EDARADD: variants seen among roughly 807,000 people sequenced by gnomAD.
EDARADD encodes ectodysplasin-A receptor-associated adapter protein.
Under a neutral mutation model 25.6 loss-of-function variants are expected in EDARADD, and 20 were observed. That is an observed-to-expected ratio of 0.78 (90% confidence interval 0.55 to 1.14). The LOEUF is 1.14. Ranked by LOEUF, EDARADD falls within the 50% of genes most tolerant of loss-of-function variation. The probability of loss-of-function intolerance (pLI) is 0.00; values close to 1 mark genes in which losing one functional copy is unlikely to be tolerated. For synonymous variants in EDARADD, 86 were observed against 94.4 expected (o/e 0.91, Z 0.52); for missense variants, 225 against 270.1 (o/e 0.83, Z 1.17).
chr1:236,434,355 G>A (rs1233709307), intron 4 of EDARADD, among the ~76,000 whole-genome samples: 1 of 151,554 alleles, frequency 6.6e-6, no homozygotes, highest in Non-Finnish European at 1.5e-5. Flanking sequence ...TTCCTGGCTC[G>A]GCCTCCCTGG....
intron 3 of EDARADD, among the ~76,000 whole-genome samples, chr1:236,385,268 G>A (rs1667338602): frequency 6.6e-6 from 1 of 151,668 alleles, no homozygotes. Context: ...AATTAGCCAG[G>A]CGTGGTGGTG....
intron 3 of EDARADD, among the ~76,000 whole-genome samples, chr1:236,370,557 G>A (rs1265103084): frequency 6.6e-6 from 1 of 152,174 alleles, no homozygotes; most frequent in East Asian, 1.9e-4. Flanking sequence ...GGATGACTTG[G>A]TGGGTAGGGG....
At chr1:236,471,193 A>T (rs1032012949) in intron 5 of EDARADD, among the ~76,000 whole-genome samples, 3 of 152,162 alleles carry the variant, frequency 2.0e-5, no homozygotes, top group Non-Finnish European at 4.4e-5. Flanking sequence ...GCTGCTGCCA[A>T]CTTAATGTCT....
At chr1:236,403,439 C>A (rs547912617) in intron 1 of EDARADD, among the ~76,000 whole-genome samples, 1 of 152,150 alleles carries the variant, frequency 6.6e-6, no homozygotes, top group African/African-American at 2.4e-5. Context: ...AGGTGCCCGC[C>A]ACCATGCCCG....
chr1:236,381,971 A>G (rs2102996256), intron 3 of EDARADD, among the ~76,000 whole-genome samples: 1 of 151,334 alleles, frequency 6.6e-6, no homozygotes, highest in East Asian at 1.9e-4. Flanking sequence ...TATCTTATCC[A>G]TGGCTTTGAG....
chr1:236,360,395 G>A (rs1667031720), intron 3 of EDARADD, among the ~76,000 whole-genome samples: 2 of 152,024 alleles, frequency 1.3e-5, no homozygotes, highest in Non-Finnish European at 2.9e-5. Flanking sequence ...GTAGCCTTAT[G>A]ACATCCATCC....
intron 5 of EDARADD, among the ~76,000 whole-genome samples, chr1:236,471,008 G>A (rs934818672): frequency 6.6e-6 from 1 of 152,210 alleles, no homozygotes; most frequent in East Asian, 1.9e-4. Context: ...CTCCCAAAGT[G>A]CTGGCATTAC....
At chr1:236,476,088 A>G (rs1659494956) in intron 5 of EDARADD, among the ~76,000 whole-genome samples, 1 of 152,154 alleles carries the variant, frequency 6.6e-6, no homozygotes, top group East Asian at 1.9e-4. Context: ...GCAACTCAGG[A>G]GGCTGAAGCA....
rs1439392167 is a variant in EDARADD, at chr1:236,395,782, C to T, written c.61+1277C>T. On this transcript the variant is annotated intron_variant, in intron 1 of 5. Transcript: ENST00000334232. This position sits in a 1 kb window ranked among gnomAD's most constrained non-coding sequence, Gnocchi z 6.9. Reference sequence around the variant, plus strand: ...GCCTCGGCGACCCCCGAGGGAGGCCCGGGAACCACCCCCGACCCAGGCGCC... The same window carrying T: ...GCCTCGGCGACCCCCGAGGGAGGCCTGGGAACCACCCCCGACCCAGGCGCC... 5.0e-6 allele frequency: 5 copies of T among 1,003,904 alleles called. No individual in the cohort carries two copies. The highest frequency in any genetic ancestry group is 6.9e-6 in the Non-Finnish European group (5 of 719,680). The allele number at this position is 1,003,904 out of a possible 1,614,324, so 62.2% of individuals were successfully genotyped here.
intron 3 of EDARADD, among the ~76,000 whole-genome samples, chr1:236,417,962 C>CTTTTT (rs60224366): frequency 2.2e-5 from 3 of 139,420 alleles, no homozygotes; most frequent in African/African-American, 5.4e-5. Flanking sequence ...TTCTTTTTTT[C>CTTTTT]TTTTTTTTTG....
At chr1:236,427,340 C>G in intron 3 of EDARADD, 52 bp from the exon 4 acceptor site, 2 of 1,570,234 alleles carry the variant, frequency 1.3e-6, no homozygotes, top group Non-Finnish European at 1.7e-6. Context: ...GGAGTGTGTG[C>G]TTTTTAAAAT....
At chr1:236,394,839 A>C (rs1667485239) in intron 1 of EDARADD, among the ~76,000 whole-genome samples, 1 of 152,216 alleles carries the variant, frequency 6.6e-6, no homozygotes, top group Non-Finnish European at 1.5e-5. Flanking sequence ...AACCCCACTT[A>C]AGCGTAATAT....
chr1:236,396,198 C>A (rs1253434022), intron 1 of EDARADD, among the ~76,000 whole-genome samples: 1 of 152,058 alleles, frequency 6.6e-6, no homozygotes, highest in Non-Finnish European at 1.5e-5. Flanking sequence ...CTGTGGGATC[C>A]CATCTGTGAT....
intron 3 of EDARADD, among the ~76,000 whole-genome samples, chr1:236,381,895 A>G (rs1168508708): frequency 1.4e-5 from 2 of 138,640 alleles, no homozygotes; most frequent in Non-Finnish European, 3.0e-5. Flanking sequence ...TCCTACAGTC[A>G]CAGCCTCCAG....
At chr1:236,351,571 G>A (rs746576934) in intron 3 of EDARADD, among the ~76,000 whole-genome samples, 1 of 152,050 alleles carries the variant, frequency 6.6e-6, no homozygotes, top group African/African-American at 2.4e-5. Context: ...TTAGCCGGGC[G>A]TGGTGGCGCA....
At chr1:236,438,968 T>C (rs1658334610) in intron 4 of EDARADD, among the ~76,000 whole-genome samples, 1 of 152,256 alleles carries the variant, frequency 6.6e-6, no homozygotes, top group South Asian at 2.1e-4. Flanking sequence ...CAGAGGAGTT[T>C]CGCTGCCCTA....
intron 3 of EDARADD, among the ~76,000 whole-genome samples, chr1:236,369,706 T>C (rs898935647): frequency 6.6e-6 from 1 of 151,954 alleles, no homozygotes; most frequent in African/African-American, 2.4e-5. Context: ...GGCATGGTGG[T>C]GCATGCCTGT....
chr1:236,416,495 A>G (rs1657644765), intron 3 of EDARADD, among the ~76,000 whole-genome samples: 2 of 152,224 alleles, frequency 1.3e-5, no homozygotes, highest in African/African-American at 4.8e-5. Context: ...GCAACCTGAT[A>G]CTACAGTAAT....
At chr1:236,371,462 T>A (rs557796800) in intron 3 of EDARADD, among the ~76,000 whole-genome samples, 1 of 152,294 alleles carries the variant, frequency 6.6e-6, no homozygotes, top group African/African-American at 2.4e-5. Context: ...TCCAGTATGA[T>A]GTTGAAAAGG....
Sources: allele counts gnomAD v4.1 joint callset (sites outside exome capture counted in the v4.1 genomes callset), GRCh38; gene constraint gnomAD v4.1.1; non-coding constraint Gnocchi (gnomAD v3.1); transcripts MANE v1.5; gene names NCBI Gene and HGNC (gene_info 2026-07-23, HGNC 2026-07-21).